The following KCNH7 variants were observed in gnomAD, a reference collection of about 807,000 sequenced individuals.
KCNH7 encodes voltage-gated inwardly rectifying potassium channel KCNH7.
A neutral mutation model predicts 120.8 loss-of-function variants in KCNH7; 49 were observed. That is an observed-to-expected ratio of 0.41 (90% CI 0.32 to 0.51). The LOEUF (loss-of-function observed/expected upper bound fraction) is 0.51. Among genes scored for constraint, KCNH7 ranks in the 20% least tolerant of loss-of-function variants. The pLI is 0.38. For missense variants in KCNH7, 1,097 were observed against 1,446.6 expected (o/e 0.76, Z 3.92); for synonymous variants, 547 against 516.1 (o/e 1.06, Z -0.81).
chr2:162,642,787 T>A (rs1319681034), intron 2 of KCNH7, among the ~76,000 whole-genome samples: 1 of 152,168 alleles, frequency 6.6e-6, no homozygotes, highest in Non-Finnish European at 1.5e-5. Context: ...GCTGTGTTCT[T>A]GCTATTCCTG....
In KCNH7 at chr2:162,807,271, A is replaced by AAAAC. The variant is rs1684579356; in HGVS notation, c.307+29265_307+29266insGTTT. Reference sequence around the variant, plus strand: ...ACTAAAAATACAAAAAAAAAAAAAAAAAAAAAAAAAAACAAATTAGCCAGG... The same window carrying AAAAC: ...ACTAAAAATACAAAAAAAAAAAAAAAAAACAAAAAAAAAAAACAAATTAGCCAGG... On this transcript the variant is annotated intron_variant, in intron 2 of 15. Coordinates refer to ENST00000332142, the MANE Select transcript of KCNH7 (RefSeq NM_033272.4). 1.0e-4 allele frequency among the ~76,000 whole-genome samples: 14 copies of AAAAC among 139,528 alleles called. No homozygotes were observed. In the South Asian group the frequency reaches 1.9e-3, roughly 19 times the overall value. 91.5% of individuals were successfully genotyped at this position (139,528 alleles called of 152,430 possible). A position where few individuals can be genotyped will look rare whatever the true frequency, so the allele number is the denominator to read the frequency against.
intron 2 of KCNH7, among the ~76,000 whole-genome samples, chr2:162,803,727 G>A (rs305669): frequency 0.97 from 147,295 of 151,816 alleles, 71,613 homozygotes; most frequent in East Asian, 1. Context: ...TATATAATTC[G>A]CAGTACAATA....
intron 2 of KCNH7, among the ~76,000 whole-genome samples, chr2:162,670,311 T>TA (rs1685299536): frequency 6.6e-6 from 1 of 150,924 alleles, no homozygotes; most frequent in South Asian, 2.1e-4. Flanking sequence ...CCACCTCTAC[T>TA]AAAAATACAA....
At chr2:162,537,102 G>T in intron 2 of KCNH7, 22 bp from the exon 3 acceptor site, 1 of 1,569,266 alleles carries the variant, frequency 6.4e-7, no homozygotes. Flanking sequence ...AAAAATGAAT[G>T]TTAGTTAAAA....
At chr2:162,620,678 C>A (rs761341917) in intron 2 of KCNH7, among the ~76,000 whole-genome samples, 5 of 152,062 alleles carry the variant, frequency 3.3e-5, no homozygotes, top group Non-Finnish European at 5.9e-5. Flanking sequence ...TTTATGGGGT[C>A]TCACAGATTC....
At chr2:162,810,490 G>T (rs1684700286) in intron 2 of KCNH7, among the ~76,000 whole-genome samples, 1 of 152,068 alleles carries the variant, frequency 6.6e-6, no homozygotes, top group African/African-American at 2.4e-5. Context: ...ATAGGAAAGA[G>T]AAATGTTTTA....
At chr2:162,461,240 G>A (rs550690151) in intron 6 of KCNH7, among the ~76,000 whole-genome samples, 22 of 152,084 alleles carry the variant, frequency 1.4e-4, no homozygotes, top group Non-Finnish European at 2.1e-4. Flanking sequence ...AAGACACCAG[G>A]CTCTGGGATA....
intron 6 of KCNH7, among the ~76,000 whole-genome samples, chr2:162,475,049 A>T (rs1288641380): frequency 6.6e-6 from 1 of 152,178 alleles, no homozygotes. Context: ...GATCCATAAA[A>T]ACTGTGGGGT....
rs144299308 is a variant in KCNH7, at chr2:162,648,460, G to A, written c.308-111380C>T. Among the ~76,000 whole-genome samples, 449 of 152,232 alleles carry A rather than the reference G, an allele frequency of 2.9e-3. 2 individuals carry two copies. The highest frequency in any genetic ancestry group is 4.7e-3 in the Admixed American group (72 of 15,274). ...TTTCACCTGAGATTTGGGTGGGGACGCAGAGCCAAACCATATCAACCACAT... is the reference window on the plus strand; with the variant it reads ...TTTCACCTGAGATTTGGGTGGGGACACAGAGCCAAACCATATCAACCACAT... On this transcript the variant is annotated intron_variant, in intron 2 of 15. Transcript: ENST00000332142.
At chr2:162,655,371 C>T (rs988399281) in intron 2 of KCNH7, among the ~76,000 whole-genome samples, 7 of 152,032 alleles carry the variant, frequency 4.6e-5, no homozygotes, top group Non-Finnish European at 1.0e-4. Context: ...TTTAAAGCAT[C>T]GAGATTCAAA....
At chr2:162,745,678 C>T (rs1220077299) in intron 2 of KCNH7, among the ~76,000 whole-genome samples, 1 of 151,934 alleles carries the variant, frequency 6.6e-6, no homozygotes, top group Non-Finnish European at 1.5e-5. Flanking sequence ...AAATATATGG[C>T]AGTATACCAC....
chr2:162,496,691 T>C (rs772563529), intron 6 of KCNH7, among the ~76,000 whole-genome samples: 2 of 152,206 alleles, frequency 1.3e-5, no homozygotes, highest in African/African-American at 4.8e-5. Context: ...TTGTGAATTT[T>C]GTTTTTAGTA....
At chr2:162,788,793 AT>A (rs1683808426) in intron 2 of KCNH7, among the ~76,000 whole-genome samples, 1 of 151,990 alleles carries the variant, frequency 6.6e-6, no homozygotes, top group Non-Finnish European at 1.5e-5. Context: ...CCCCAAATAG[AT>A]CAAACATAAA....
At chr2:162,402,804 CA>C (rs1687103456) in intron 9 of KCNH7, among the ~76,000 whole-genome samples, 1 of 151,304 alleles carries the variant, frequency 6.6e-6, no homozygotes, top group Non-Finnish European at 1.5e-5. Flanking sequence ...TGTGTGTGTG[CA>C]TGTCTGTGTG....
At chr2:162,705,614 G>T (rs1686672563) in intron 2 of KCNH7, among the ~76,000 whole-genome samples, 1 of 152,048 alleles carries the variant, frequency 6.6e-6, no homozygotes, top group African/African-American at 2.4e-5. Context: ...TCATGGATTT[G>T]TCCAATAATG....
intron 2 of KCNH7, among the ~76,000 whole-genome samples, chr2:162,774,088 A>C (rs984680240): frequency 1.3e-5 from 2 of 152,162 alleles, no homozygotes; most frequent in African/African-American, 4.8e-5. Context: ...GAGTAAGTTC[A>C]AGGGATATAC....
Position 162,777,735 on chromosome 2 carries a change from G to C in KCNH7, c.307+58802C>G, listed in dbSNP as rs142775336. ...TGAAGCACTTACCAACAGCCTTATGGCAAGTAACAGGGCCAAGATTTCAAT... is the reference window on the plus strand; with the variant it reads ...TGAAGCACTTACCAACAGCCTTATGCCAAGTAACAGGGCCAAGATTTCAAT... On this transcript the variant is annotated intron_variant, in intron 2 of 15. Transcript: ENST00000332142. Among the ~76,000 whole-genome samples the C allele has an allele frequency of 2.4e-4, 37 of 152,186 alleles. No homozygotes were observed. In the East Asian group the frequency reaches 2.9e-3, roughly 12 times the overall value.
chr2:162,617,946 AT>A (rs904282689), intron 2 of KCNH7, among the ~76,000 whole-genome samples: 40 of 150,974 alleles, frequency 2.6e-4, no homozygotes, highest in African/African-American at 4.4e-4. Context: ...GATTTTGGGG[AT>A]TTTTTTTTAC....
chr2:162,630,113 C>T (rs372840969), intron 2 of KCNH7, among the ~76,000 whole-genome samples: 10 of 152,104 alleles, frequency 6.6e-5, no homozygotes, highest in African/African-American at 2.2e-4. Context: ...AACTACAAGA[C>T]TTAGGGCCTG....
Sources: allele counts gnomAD v4.1 joint callset (sites outside exome capture counted in the v4.1 genomes callset), GRCh38; gene constraint gnomAD v4.1.1; transcripts MANE v1.5; gene names NCBI Gene and HGNC (gene_info 2026-07-23, HGNC 2026-07-21).